The following SNTG1 variants were observed in gnomAD, a reference collection of about 807,000 sequenced individuals.
SNTG1 encodes the protein gamma-1-syntrophin.
SNTG1 carries 39 observed loss-of-function variants against 74.7 expected under a neutral mutation model. The observed-to-expected ratio is 0.52, with a 90% confidence interval of 0.40 to 0.68. The LOEUF (loss-of-function observed/expected upper bound fraction) is 0.68. Ranked by LOEUF, SNTG1 falls within the 30% of genes least tolerant of loss-of-function variation. The pLI is 0.00. For synonymous variants in SNTG1, 254 were observed against 217.1 expected (o/e 1.17, Z -1.49); for missense variants, 685 against 609.5 (o/e 1.12, Z -1.30).
intron 2 of SNTG1, among the ~76,000 whole-genome samples, chr8:50,173,734 T>C (rs1407074256): frequency 5.3e-5 from 8 of 152,162 alleles, no homozygotes; most frequent in Non-Finnish European, 1.2e-4. Flanking sequence ...CATTGTGCTG[T>C]TTCTTGTCAT....
intron 9 of SNTG1, among the ~76,000 whole-genome samples, chr8:50,510,464 T>G (rs932984901): frequency 2.6e-5 from 4 of 152,164 alleles, no homozygotes; most frequent in African/African-American, 9.7e-5. Flanking sequence ...CTTTTTCTAT[T>G]GATTGGAATA....
intron 4 of SNTG1, among the ~76,000 whole-genome samples, chr8:50,427,955 A>G (rs1236115773): frequency 6.6e-6 from 1 of 152,168 alleles, no homozygotes; most frequent in African/African-American, 2.4e-5. Context: ...AGTAGATTAG[A>G]CAAAAGGAAA....
At chr8:50,114,389 C>G (rs980020898) in intron 1 of SNTG1, among the ~76,000 whole-genome samples, 8 of 152,012 alleles carry the variant, frequency 5.3e-5, no homozygotes, top group African/African-American at 1.7e-4. Context: ...ATGGATGAAC[C>G]TGGAGGACAT....
At chr8:49,937,005 C>T (rs751621006) in intron 1 of SNTG1, among the ~76,000 whole-genome samples, 10 of 151,960 alleles carry the variant, frequency 6.6e-5, no homozygotes, top group African/African-American at 2.4e-4. Flanking sequence ...AAAAATTCGC[C>T]GGACGTGGTG....
chr8:50,167,272 T>C (rs142745947), intron 1 of SNTG1, among the ~76,000 whole-genome samples: 2,412 of 89,150 alleles, frequency 0.027, 61 homozygotes, highest in African/African-American at 0.084. Flanking sequence ...TAAAGTATAA[T>C]AATAATAATA....
At chr8:50,045,090 G>A (rs1452180335) in intron 1 of SNTG1, among the ~76,000 whole-genome samples, 3 of 152,300 alleles carry the variant, frequency 2.0e-5, no homozygotes, top group East Asian at 1.9e-4. Flanking sequence ...GGAGACAGTA[G>A]GGTGCAGGGC....
intron 12 of SNTG1, among the ~76,000 whole-genome samples, chr8:50,569,462 G>A (rs1489119849): frequency 1.3e-5 from 2 of 150,850 alleles, no homozygotes; most frequent in African/African-American, 4.9e-5. Context: ...ACTACCACTT[G>A]CAAGTTAAAA....
At chr8:50,536,129 A>G (rs955086038) in intron 10 of SNTG1, among the ~76,000 whole-genome samples, 5 of 152,168 alleles carry the variant, frequency 3.3e-5, no homozygotes, top group African/African-American at 1.2e-4. Context: ...GAAAGTATAA[A>G]CTTTTTATGA....
chr8:50,350,031 G>A (rs1024159213), intron 2 of SNTG1, among the ~76,000 whole-genome samples: 5 of 152,186 alleles, frequency 3.3e-5, no homozygotes, highest in East Asian at 3.9e-4. Flanking sequence ...CAGGCCTGCC[G>A]GCCGGGCAAT....
intron 1 of SNTG1, among the ~76,000 whole-genome samples, chr8:50,056,234 A>G (rs1337179614): frequency 1.3e-5 from 2 of 152,076 alleles, no homozygotes; most frequent in East Asian, 1.9e-4. Flanking sequence ...ATGAAAGACA[A>G]TATGTCCTAC....
At chr8:49,953,657 G>T (rs1003565063) in intron 1 of SNTG1, among the ~76,000 whole-genome samples, 4 of 152,158 alleles carry the variant, frequency 2.6e-5, no homozygotes, top group Non-Finnish European at 4.4e-5. Flanking sequence ...TCTCATCAGG[G>T]TATGTTCAGA....
At chr8:50,424,205 T>G (rs2093133255) in intron 4 of SNTG1, among the ~76,000 whole-genome samples, 1 of 152,142 alleles carries the variant, frequency 6.6e-6, no homozygotes, top group Admixed American at 6.6e-5. Flanking sequence ...TAGCGATATG[T>G]GCCAGGTACC....
At chr8:50,087,834 G>T (rs1483369190) in intron 1 of SNTG1, among the ~76,000 whole-genome samples, 8 of 150,842 alleles carry the variant, frequency 5.3e-5, no homozygotes, top group Admixed American at 2.0e-4. Flanking sequence ...ACATTGTGCA[G>T]GTTAGTTACA....
intron 1 of SNTG1, among the ~76,000 whole-genome samples, chr8:50,140,398 C>T (rs991303013): frequency 2.6e-5 from 4 of 152,060 alleles, no homozygotes; most frequent in Non-Finnish European, 5.9e-5. Flanking sequence ...TCATCTTGAA[C>T]ATGTGTGTGT....
chr8:50,624,227 C>T (rs560429606), intron 13 of SNTG1, among the ~76,000 whole-genome samples: 2 of 152,090 alleles, frequency 1.3e-5, no homozygotes, highest in Non-Finnish European at 2.9e-5. Context: ...AGAGTAACCA[C>T]TACTGACATT....
intron 2 of SNTG1, among the ~76,000 whole-genome samples, chr8:50,283,369 T>C (rs2088583836): frequency 6.6e-6 from 1 of 152,222 alleles, no homozygotes; most frequent in African/African-American, 2.4e-5. Flanking sequence ...ATTTGTATTA[T>C]AGTTGCTCAC....
intron 1 of SNTG1, among the ~76,000 whole-genome samples, chr8:50,003,594 A>G (rs1814946423): frequency 1.3e-5 from 2 of 152,214 alleles, no homozygotes; most frequent in Admixed American, 1.3e-4. Context: ...AAAAAGCAAG[A>G]TTACAGTGCG....
intron 1 of SNTG1, among the ~76,000 whole-genome samples, chr8:49,989,419 G>T (rs60651821): frequency 0.1 from 15,811 of 151,822 alleles, 1,218 homozygotes; most frequent in African/African-American, 0.2. Flanking sequence ...AATCTGAATA[G>T]ATATATAAGC....
intron 2 of SNTG1, among the ~76,000 whole-genome samples, chr8:50,188,767 A>G (rs1299927410): frequency 5.3e-5 from 8 of 152,128 alleles, no homozygotes; most frequent in Non-Finnish European, 1.0e-4. Flanking sequence ...TCCCTGTAGC[A>G]GACCAAAATC....
Sources: gnomAD v4.1 joint callset for allele counts (sites outside exome capture counted in the v4.1 genomes callset) on GRCh38, gnomAD v4.1.1 for gene constraint, MANE v1.5 for transcripts, NCBI Gene and HGNC (gene_info 2026-07-23, HGNC 2026-07-21) for gene names.